Variants in PDE4D observed in about 807,000 individuals in gnomAD.
The protein encoded by PDE4D is phosphodiesterase 4D.
In PDE4D, 24 loss-of-function variants were observed where a neutral mutation model predicts 87.4. The ratio of observed to expected loss-of-function variants is 0.27; its 90% CI spans 0.20 to 0.39. The LOEUF is 0.39. Among genes scored for constraint, PDE4D ranks in the 10% least tolerant of loss-of-function variants. The pLI is 1.00. For missense variants in PDE4D, 714 were observed against 1,041.0 expected, an observed-to-expected ratio of 0.69 and a Z score of 4.32; for synonymous variants, 384 against 383.2, an observed-to-expected ratio of 1.00 and a Z score of -0.02.
chr5:60,430,854 T>G, intron 1 of PDE4D: 1 of 244,088 alleles, frequency 4.1e-6, no homozygotes, highest in Non-Finnish European at 8.2e-6. Flanking sequence ...AGCACAGGGT[T>G]GGGGGTAAGG....
intron 1 of PDE4D, among the ~76,000 whole-genome samples, chr5:59,308,897 C>T (rs1427900727): frequency 1.3e-5 from 2 of 151,884 alleles, no homozygotes; most frequent in South Asian, 2.1e-4. Context: ...TGAGCTCAGA[C>T]TCTCCTTGGG....
intron 1 of PDE4D, among the ~76,000 whole-genome samples, chr5:59,826,428 C>T (rs1180500697): frequency 1.3e-5 from 2 of 152,094 alleles, no homozygotes; most frequent in African/African-American, 4.8e-5. Context: ...ACATGAAAAA[C>T]ATTTATGCAA....
chr5:59,602,677 A>G (rs567483350), intron 1 of PDE4D, among the ~76,000 whole-genome samples: 6 of 152,178 alleles, frequency 3.9e-5, no homozygotes, highest in Middle Eastern at 3.4e-3. Flanking sequence ...ACAGAAACAG[A>G]AAAAAACAAT....
At chr5:59,337,527 T>C (rs1397547893) in intron 1 of PDE4D, among the ~76,000 whole-genome samples, 1 of 152,098 alleles carries the variant, frequency 6.6e-6, no homozygotes. Flanking sequence ...GTATTTACCA[T>C]GCAGTAGACA....
intron 11 of PDE4D, among the ~76,000 whole-genome samples, chr5:58,983,156 T>C (rs1745620869): frequency 6.6e-6 from 1 of 152,248 alleles, no homozygotes; most frequent in Non-Finnish European, 1.5e-5. Flanking sequence ...CCTTCAGAGA[T>C]GTCCCAGAGA....
intron 1 of PDE4D, among the ~76,000 whole-genome samples, chr5:59,854,588 C>T (rs963594626): frequency 6.6e-6 from 1 of 152,060 alleles, no homozygotes; most frequent in Non-Finnish European, 1.5e-5. Context: ...ATATTTTCCT[C>T]TGAATTTATG....
chr5:59,893,452 C>T lies in PDE4D; in HGVS notation c.171G>A (p.Leu57=). 2 of 1,521,072 alleles carry T rather than the reference C, an allele frequency of 1.3e-6. No homozygotes were observed. The allele number at this position is 1,521,072 out of a possible 1,614,324, so 94.2% of individuals were successfully genotyped here. The stretch of plus-strand genomic sequence containing the variant: ...GGGGCGAGGGTGGCGGCGGCGGGGG[C>T]AGGTGGTGATGGGGATGCAGGAGGC... ...QFRLLHPHHH[L]PPPPPPSPQP... is the part of the protein sequence containing the mutation. Residue 57 remains leucine (L), a synonymous_variant, in exon 1 of 15, where the codon CTG becomes CTA. Coordinates refer to ENST00000340635, the MANE Select transcript of PDE4D (RefSeq NM_001104631.2).
At chr5:60,213,891 T>C (rs1743545063) in intron 1 of PDE4D, among the ~76,000 whole-genome samples, 1 of 152,188 alleles carries the variant, frequency 6.6e-6, no homozygotes, top group Non-Finnish European at 1.5e-5. Flanking sequence ...TGCTGAATGC[T>C]TTTAGAATAA....
Position 60,312,178 on chromosome 5 carries a change from T to G in PDE4D, c.-89-126491A>C, listed in dbSNP as rs1388661887. On this transcript the variant is annotated intron_variant, in intron 1 of 16. Transcript: ENST00000502484. The stretch of plus-strand genomic sequence containing the variant: ...CATAGATATATTCGAGACCTGAACT[T>G]AACACTTCACCTAATTGGCCTAACA... 2.0e-5 allele frequency among the ~76,000 whole-genome samples: 3 copies of G among 152,022 alleles called. No homozygotes were observed. In the East Asian group the frequency reaches 5.8e-4, roughly 29 times the overall value.
rs1388903072 is a variant in PDE4D at position 60,474,147 on chromosome 5, TATAACA to T, written c.-90+13789_-90+13794del. ...ATATATATATATATATATATATATA[TATAACA>T]AAAACCTTAGACTGGGCAATTTATA... On this transcript the variant is annotated intron_variant, in intron 1 of 16. Transcript: ENST00000502484. 4.9e-4 allele frequency among the ~76,000 whole-genome samples: 48 copies of T among 97,488 alleles called. 2 individuals are homozygous for T. Among genetic ancestry groups the T allele is most frequent in the African/African-American group, 3.0e-3 (46 of 15,116 alleles). The allele number at this position is 97,488 out of a possible 152,430, so 64.0% of individuals were successfully genotyped here.
At chr5:60,281,171 A>T (rs1751861624) in intron 1 of PDE4D, among the ~76,000 whole-genome samples, 1 of 152,082 alleles carries the variant, frequency 6.6e-6, no homozygotes. Flanking sequence ...CTTTCTCCAT[A>T]CATACAAGGT....
chr5:60,376,878 C>T (rs1329152477), intron 1 of PDE4D, among the ~76,000 whole-genome samples: 1 of 152,200 alleles, frequency 6.6e-6, no homozygotes, highest in Admixed American at 6.5e-5. Flanking sequence ...AACCTCTGAT[C>T]CATGGTCCTT....
intron 1 of PDE4D, among the ~76,000 whole-genome samples, chr5:60,506,465 A>G (rs1168318093): frequency 6.6e-6 from 1 of 152,250 alleles, no homozygotes; most frequent in Non-Finnish European, 1.5e-5. Context: ...CTACCTTACA[A>G]AATTAAAAAC....
intron 1 of PDE4D, among the ~76,000 whole-genome samples, chr5:59,551,322 T>C (rs1214135634): frequency 6.7e-6 from 1 of 149,734 alleles, no homozygotes; most frequent in African/African-American, 2.4e-5. Context: ...AAATAAATAT[T>C]TAATAAAATA....
intron 1 of PDE4D, among the ~76,000 whole-genome samples, chr5:59,464,284 TC>T (rs1801228566): frequency 6.6e-6 from 1 of 152,186 alleles, no homozygotes; most frequent in Non-Finnish European, 1.5e-5. Context: ...GGCATCTGTC[TC>T]CTGCCCCTCC....
intron 5 of PDE4D, among the ~76,000 whole-genome samples, chr5:59,155,366 T>G (rs1167633098): frequency 6.6e-6 from 1 of 152,124 alleles, no homozygotes; most frequent in African/African-American, 2.4e-5. Flanking sequence ...TGAATAAATA[T>G]TTACTCAGTA....
intron 5 of PDE4D, among the ~76,000 whole-genome samples, chr5:59,167,324 C>T (rs1782063398): frequency 6.6e-6 from 1 of 152,068 alleles, no homozygotes; most frequent in East Asian, 1.9e-4. Flanking sequence ...AGATTTTTTT[C>T]TATGGGAGGA....
intron 5 of PDE4D, among the ~76,000 whole-genome samples, chr5:59,153,986 A>G (rs1047928822): frequency 6.6e-6 from 1 of 152,162 alleles, no homozygotes; most frequent in African/African-American, 2.4e-5. Context: ...AAATGAAGAC[A>G]GTTGTGAAAC....
intron 5 of PDE4D, among the ~76,000 whole-genome samples, chr5:59,062,209 A>T (rs1763230870): frequency 6.6e-6 from 1 of 152,204 alleles, no homozygotes; most frequent in Non-Finnish European, 1.5e-5. Flanking sequence ...AGCATGGATA[A>T]GACATATAAC....
Sources: gnomAD v4.1 joint callset for allele counts (sites outside exome capture counted in the v4.1 genomes callset) on GRCh38, gnomAD v4.1.1 for gene constraint, MANE v1.5 for transcripts, NCBI Gene and HGNC (gene_info 2026-07-23, HGNC 2026-07-21) for gene names.